The following PTGIS variants were observed in gnomAD, a reference collection of about 807,000 sequenced individuals.
PTGIS encodes prostaglandin I2 synthase.
PTGIS carries 45 observed loss-of-function variants against 50.3 expected under a neutral mutation model. That is an observed-to-expected ratio of 0.90 (90% CI 0.70 to 1.15). The LOEUF (loss-of-function observed/expected upper bound fraction) is 1.15, where lower values mean the gene tolerates loss of function less well. Among genes scored for constraint, PTGIS ranks in the 50% most tolerant of loss-of-function variants. The pLI is 0.00. For missense variants in PTGIS, 668 were observed against 661.3 expected (o/e 1.01, Z -0.11); for synonymous variants, 260 against 267.7 (o/e 0.97, Z 0.28).
In PTGIS at chr20:49,507,950, G is replaced by A. The variant is rs201583708; in HGVS notation, c.1473C>T (p.Asp491=). The change falls in exon 10 of 10, where the codon GAC becomes GAT. Residue 491 remains aspartate (D), a synonymous_variant. Transcript: ENST00000244043. ...YGFGLMQPEH[D]VPVRYRIRP ...GGCGGATGCGGTAGCGGACGGGCACGTCGTGTTCCGGCTGCATCAGACCGA... is the reference window on the plus strand; with the variant it reads ...GGCGGATGCGGTAGCGGACGGGCACATCGTGTTCCGGCTGCATCAGACCGA... 4.3e-5 allele frequency: 69 copies of A among 1,613,088 alleles called. No individual in the cohort carries two copies. The highest frequency in any genetic ancestry group is 5.7e-5 in the Non-Finnish European group (67 of 1,180,042).
intron 9 of PTGIS, among the ~76,000 whole-genome samples, chr20:49,508,644 G>A (rs142969786): frequency 3.3e-4 from 50 of 152,356 alleles, no homozygotes; most frequent in African/African-American, 1.2e-3. Flanking sequence ...CAGGACTGCT[G>A]CTAACCCTTA....
At chr20:49,543,236 A>G (rs1982275683) in intron 4 of PTGIS, among the ~76,000 whole-genome samples, 1 of 151,652 alleles carries the variant, frequency 6.6e-6, no homozygotes, top group Admixed American at 6.6e-5. Context: ...AGTGAACTCT[A>G]TCTCCAAAAG....
intron 4 of PTGIS, 45 bp from the exon 5 acceptor site, chr20:49,539,766 A>T: frequency 6.3e-7 from 1 of 1,589,334 alleles, no homozygotes; most frequent in South Asian, 1.1e-5. Context: ...TGGGACACTC[A>T]TGTGTGGCCA....
At chr20:49,557,453 A>G (rs1018417095) in intron 1 of PTGIS, among the ~76,000 whole-genome samples, 21 of 151,922 alleles carry the variant, frequency 1.4e-4, no homozygotes, top group Admixed American at 2.0e-4. Flanking sequence ...TTAGCCCAGC[A>G]TGGTAGCACA....
intron 2 of PTGIS, among the ~76,000 whole-genome samples, chr20:49,549,758 C>A (rs1222362088): frequency 6.6e-6 from 1 of 151,924 alleles, no homozygotes; most frequent in Non-Finnish European, 1.5e-5. Context: ...GGATGTTGAA[C>A]GGATGGAAAT....
chr20:49,521,165 T>A (rs1981642834), intron 6 of PTGIS, among the ~76,000 whole-genome samples: 2 of 152,234 alleles, frequency 1.3e-5, no homozygotes, highest in African/African-American at 4.8e-5. Flanking sequence ...TATTCCTGCC[T>A]CCTTTCATCT....
intron 1 of PTGIS, among the ~76,000 whole-genome samples, chr20:49,552,859 A>G (rs1982546292): frequency 6.6e-6 from 1 of 152,092 alleles, no homozygotes; most frequent in Admixed American, 6.6e-5. Flanking sequence ...ATAACAGGAG[A>G]AAAAAAGGGG....
intron 2 of PTGIS, 131 bp downstream of exon 2, chr20:49,549,935 C>T (rs1326551164): frequency 3.4e-6 from 5 of 1,465,136 alleles, no homozygotes; most frequent in African/African-American, 2.8e-5. Flanking sequence ...GTTGGCTCGA[C>T]CACTCAGATG....
At chr20:49,536,370 T>A (rs544245056) in intron 5 of PTGIS, among the ~76,000 whole-genome samples, 23 of 152,320 alleles carry the variant, frequency 1.5e-4, no homozygotes, top group Admixed American at 3.9e-4. Context: ...GGTGATGAAG[T>A]GTTTGAGCAC....
chr20:49,550,703 G>A (rs947982878), intron 1 of PTGIS, among the ~76,000 whole-genome samples: 2 of 152,172 alleles, frequency 1.3e-5, no homozygotes, highest in Non-Finnish European at 2.9e-5. Context: ...CCGAATCTCT[G>A]AAAATTTGAG....
intron 1 of PTGIS, among the ~76,000 whole-genome samples, chr20:49,553,337 AC>A (rs1982556159): frequency 6.6e-6 from 1 of 152,114 alleles, no homozygotes; most frequent in African/African-American, 2.4e-5. Flanking sequence ...TTGGCAAAAA[AC>A]AAAAAACACA....
At chr20:49,563,278 C>A (rs1982821322) in intron 1 of PTGIS, among the ~76,000 whole-genome samples, 1 of 152,200 alleles carries the variant, frequency 6.6e-6, no homozygotes, top group Non-Finnish European at 1.5e-5. Flanking sequence ...CACAGGCCTC[C>A]AGGGTTTTCA....
intron 3 of PTGIS, among the ~76,000 whole-genome samples, chr20:49,546,721 T>A (rs1864832599): frequency 6.6e-6 from 1 of 152,158 alleles, no homozygotes; most frequent in Non-Finnish European, 1.5e-5. Flanking sequence ...TCCTCATCTG[T>A]AAAATAAGGA....
At chr20:49,519,147 C>G (rs1454866274) in intron 6 of PTGIS, among the ~76,000 whole-genome samples, 1 of 151,946 alleles carries the variant, frequency 6.6e-6, no homozygotes, top group Non-Finnish European at 1.5e-5. Flanking sequence ...CCCCCACCAC[C>G]CCACCCCACC....
chr20:49,524,008 G>A lies in PTGIS; in HGVS notation c.855+50C>T, dbSNP rs143210709. 9.8e-5 allele frequency: 157 copies of A among 1,605,656 alleles called. No homozygotes were observed. In the African/African-American group the frequency reaches 1.2e-3, roughly 12 times the overall value. On this transcript the variant is annotated intron_variant, in intron 6 of 9. Transcript: ENST00000244043. ...ATGCACACACACATGCGTTCATATC[G>A]CAACCACACATGCACACCTGCACAC...
chr20:49,532,837 T>A (rs1053091150), intron 5 of PTGIS, among the ~76,000 whole-genome samples: 8 of 152,184 alleles, frequency 5.3e-5, no homozygotes, highest in African/African-American at 1.9e-4. Flanking sequence ...ATGAGGGCCA[T>A]CTAGCTCATA....
chr20:49,550,381 G>C (rs903660426), intron 1 of PTGIS, among the ~76,000 whole-genome samples, 192 bp from the exon 2 acceptor site: 4 of 152,074 alleles, frequency 2.6e-5, no homozygotes, highest in Non-Finnish European at 4.4e-5. Flanking sequence ...TTCCCCTCCA[G>C]CCCACTTTTC....
intron 1 of PTGIS, among the ~76,000 whole-genome samples, chr20:49,553,817 C>T (rs1157131132): frequency 1.3e-5 from 2 of 151,648 alleles, no homozygotes; most frequent in Non-Finnish European, 2.9e-5. Context: ...AATTTTTTGT[C>T]CTAAAATAAA....
intron 6 of PTGIS, among the ~76,000 whole-genome samples, chr20:49,521,153 T>A (rs549647654): frequency 6.6e-6 from 1 of 152,232 alleles, no homozygotes. Flanking sequence ...AAATTGCACA[T>A]GTATTCCTGC....
Sources: allele counts gnomAD v4.1 joint callset (sites outside exome capture counted in the v4.1 genomes callset), GRCh38; gene constraint gnomAD v4.1.1; transcripts MANE v1.5; gene names NCBI Gene and HGNC (gene_info 2026-07-23, HGNC 2026-07-21).